LRBA: variants seen among roughly 807,000 people sequenced by gnomAD.
The protein encoded by LRBA is lipopolysaccharide-responsive and beige-like anchor protein.
LRBA carries 176 observed loss-of-function variants against 330.0 expected under a neutral mutation model. That is an observed-to-expected ratio of 0.53 (90% CI 0.47 to 0.60). The LOEUF (loss-of-function observed/expected upper bound fraction) is 0.60, where lower values mean the gene tolerates loss of function less well. Ranked by LOEUF, LRBA falls within the 20% of genes least tolerant of loss-of-function variation. LRBA has a pLI of 0.00. For missense variants in LRBA, 3,259 were observed against 3,444.8 expected (o/e 0.95, Z 1.35); for synonymous variants, 1,230 against 1,193.0 (o/e 1.03, Z -0.64).
At position 150,848,879 on chromosome 4, in the gene LRBA, A is replaced by G. The variant is rs1481329994; in HGVS notation, c.4278T>C (p.Thr1426=). 1.2e-6 allele frequency: 2 copies of G among 1,612,950 alleles called. No homozygotes were observed. The highest frequency in any genetic ancestry group is 2.2e-5 in the South Asian group (2 of 90,874). Residue 1426 remains threonine (T), a synonymous_variant, in exon 26 of 57, where the codon ACT becomes ACC. Coordinates refer to ENST00000651943, the MANE Select transcript of LRBA (RefSeq NM_001364905.1). ...ACATACTTTTTTCAGCTTCAATTTC[A>G]GTAAAGCCAAGAGAACTTGCAAATA... The part of the protein sequence containing the change: ...VLIFASSLGF[T]EIEAEKSMSS...
chr4:150,626,644 T>C (rs1014030611), intron 37 of LRBA, among the ~76,000 whole-genome samples: 3 of 152,026 alleles, frequency 2.0e-5, no homozygotes, highest in African/African-American at 7.2e-5. Context: ...TAGAAAAAAA[T>C]GGCACTAGAC....
Position 150,590,563 on chromosome 4 carries a change from T to C in LRBA, c.6193+150A>G, listed in dbSNP as rs4401437. On this transcript the variant is annotated intron_variant, in intron 39 of 56. Transcript: ENST00000651943. ...TAGAATAGAAAAATAAAGGAGAAAC[T>C]GTAGAAGGGGGGGAAGTATTTGAAA... 4.8e-6 allele frequency: 3 copies of C among 623,654 alleles called. No individual in the cohort carries two copies. The Admixed American group carries it at 9.3e-5, about 19-fold the overall frequency. 38.6% of individuals were successfully genotyped at this position (623,654 alleles called of 1,614,324 possible).
At chr4:150,615,190 A>G (rs1287339925) in intron 37 of LRBA, among the ~76,000 whole-genome samples, 1 of 152,220 alleles carries the variant, frequency 6.6e-6, no homozygotes, top group Non-Finnish European at 1.5e-5. Context: ...TACATAAAGA[A>G]TAACAGAGTT....
At chr4:150,887,010 T>A (rs907362831) in intron 17 of LRBA, among the ~76,000 whole-genome samples, 3 of 152,146 alleles carry the variant, frequency 2.0e-5, no homozygotes, top group African/African-American at 7.2e-5. Context: ...AAATAATAAA[T>A]GTTTGAGGTG....
chr4:150,984,047 C>T (rs992416064), intron 2 of LRBA, among the ~76,000 whole-genome samples: 10 of 152,198 alleles, frequency 6.6e-5, no homozygotes, highest in Admixed American at 2.6e-4. Flanking sequence ...CCACCCCCAA[C>T]TCCAACAGCT....
chr4:150,584,157 A>T, intron 40 of LRBA: 2 of 1,494,830 alleles, frequency 1.3e-6, no homozygotes, highest in Non-Finnish European at 1.8e-6. Context: ...GTGCTCTCTC[A>T]GACACACAAC....
intron 17 of LRBA, among the ~76,000 whole-genome samples, chr4:150,883,398 T>C (rs1219209982): frequency 6.6e-6 from 1 of 152,066 alleles, no homozygotes; most frequent in East Asian, 1.9e-4. Context: ...AGGTGGAGGT[T>C]GAAGTGAGCC....
chr4:150,875,847 C>G (rs762853851), intron 17 of LRBA, among the ~76,000 whole-genome samples: 4 of 152,206 alleles, frequency 2.6e-5, no homozygotes, highest in Non-Finnish European at 5.9e-5. Flanking sequence ...GTGACACCAT[C>G]AAAGGATCAC....
chr4:150,849,592 G>T lies in LRBA; in HGVS notation c.4005-17C>A, dbSNP rs770004291. On this transcript the variant is annotated splice_polypyrimidine_tract_variant and intron_variant, in intron 24 of 56. Transcript: ENST00000651943. ...GTTGAATGGCTGTCCAAAGATAAAT[G>T]ATATTTACTGATAAAGCTAAAGAAA... The T allele has an allele frequency of 4.4e-6, 7 of 1,595,970 alleles. No homozygotes were observed. The highest frequency in any genetic ancestry group is 2.7e-5 in the African/African-American group (2 of 74,588).
chr4:150,275,811 A>G lies in LRBA; in HGVS notation c.8468+2042T>C, dbSNP rs1287109019. Among the ~76,000 whole-genome samples the G allele has an allele frequency of 1.1e-4, 16 of 152,364 alleles. No homozygotes were observed. In the South Asian group the frequency reaches 1.2e-3, roughly 12 times the overall value. ...ATAAGTGGAAAAACATTCCATGCTC[A>G]TGGATAGGAAGAATCAATATTGTGA... On this transcript the variant is annotated intron_variant, in intron 56 of 56. Coordinates refer to ENST00000651943, the MANE Select transcript of LRBA (RefSeq NM_001364905.1).
intron 17 of LRBA, among the ~76,000 whole-genome samples, chr4:150,882,974 T>A (rs1360620146): frequency 6.6e-6 from 1 of 152,180 alleles, no homozygotes; most frequent in African/African-American, 2.4e-5. Context: ...AAAATTAAAT[T>A]GTCATTCCAA....
chr4:150,972,055 C>CA (rs962036463), intron 2 of LRBA, among the ~76,000 whole-genome samples: 1 of 151,848 alleles, frequency 6.6e-6, no homozygotes, highest in Admixed American at 6.6e-5. Flanking sequence ...AGTACCTTAC[C>CA]AAAAAAATCA....
intron 56 of LRBA, among the ~76,000 whole-genome samples, chr4:150,277,549 A>T (rs1055900533): frequency 3.3e-5 from 5 of 152,196 alleles, no homozygotes; most frequent in Non-Finnish European, 7.3e-5. Flanking sequence ...CAGAAAGAAA[A>T]TCACACTTTT....
At chr4:150,285,057 A>G (rs898287688) in intron 54 of LRBA, among the ~76,000 whole-genome samples, 5 of 152,196 alleles carry the variant, frequency 3.3e-5, no homozygotes, top group Admixed American at 6.5e-5. Context: ...TATTGCTATC[A>G]TTATTACTAT....
chr4:150,421,276 TA>T (rs988888870), intron 46 of LRBA, among the ~76,000 whole-genome samples: 6 of 142,126 alleles, frequency 4.2e-5, no homozygotes, highest in African/African-American at 1.5e-4. Flanking sequence ...ATATATAATA[TA>T]AATATATACT....
chr4:150,400,693 A>C (rs1190001569), intron 47 of LRBA, among the ~76,000 whole-genome samples: 1 of 152,134 alleles, frequency 6.6e-6, no homozygotes, highest in Non-Finnish European at 1.5e-5. Flanking sequence ...CCATCTTCAC[A>C]AAAAATAAAA....
At chr4:150,346,536 C>G (rs1736331346) in intron 48 of LRBA, among the ~76,000 whole-genome samples, 1 of 151,608 alleles carries the variant, frequency 6.6e-6, no homozygotes, top group South Asian at 2.1e-4. Flanking sequence ...CCAAGGCTGG[C>G]AGATCATGAG....
chr4:150,867,668 T>C lies in LRBA; in HGVS notation c.2766+3A>G, dbSNP rs761835856. On this transcript the variant is annotated splice_donor_region_variant and intron_variant, in intron 22 of 56. Coordinates refer to ENST00000651943, the MANE Select transcript of LRBA (RefSeq NM_001364905.1). ...TACAATACGCTTTCATAAAGAAACT[T>C]ACCTTTGAATGAGTGATTGATAAAG... is the stretch of plus-strand genomic sequence containing the variant. The C allele has an allele frequency of 6.3e-7, 1 of 1,595,576 alleles. No individual in the cohort carries two copies. Among genetic ancestry groups the C allele is most frequent in the Non-Finnish European group, 8.5e-7 (1 of 1,173,516 alleles).
Position 150,675,712 on chromosome 4 carries a change from C to T in LRBA, c.5921+7839G>A, listed in dbSNP as rs569793676. On this transcript the variant is annotated intron_variant, in intron 37 of 56. Coordinates refer to ENST00000651943, the MANE Select transcript of LRBA (RefSeq NM_001364905.1). Reference sequence around the variant, plus strand: ...CAACCTGGGCGACAAAGCGAGGCTCCGTCTCAAAAAATAAATAAATTAATT... The same window carrying T: ...CAACCTGGGCGACAAAGCGAGGCTCTGTCTCAAAAAATAAATAAATTAATT... Among the ~76,000 whole-genome samples, 6 of 151,230 alleles carry T rather than the reference C, an allele frequency of 4.0e-5. No homozygotes were observed. The East Asian group carries it at 5.8e-4, about 15-fold the overall frequency.
Sources: gnomAD v4.1 joint callset for allele counts (sites outside exome capture counted in the v4.1 genomes callset) on GRCh38, gnomAD v4.1.1 for gene constraint, MANE v1.5 for transcripts, NCBI Gene and HGNC (gene_info 2026-07-23, HGNC 2026-07-21) for gene names.